The following TMEM229B variants were observed in gnomAD, a reference collection of about 807,000 sequenced individuals.
TMEM229B encodes the protein transmembrane protein 229B.
Under a neutral mutation model 13.7 loss-of-function variants are expected in TMEM229B, and 6 were observed. The ratio of observed to expected loss-of-function variants is 0.44; its 90% CI spans 0.24 to 0.86. TMEM229B has a LOEUF of 0.86. TMEM229B is among the 40% of genes least tolerant of loss of function. The pLI is 0.23. For synonymous variants in TMEM229B, 107 were observed against 102.1 expected, an observed-to-expected ratio of 1.05 and a Z score of -0.29; for missense variants, 170 against 236.0, an observed-to-expected ratio of 0.72 and a Z score of 1.83.
chr14:67,477,353 GC>G (rs2031282973), intron 2 of TMEM229B, among the ~76,000 whole-genome samples: 1 of 152,082 alleles, frequency 6.6e-6, no homozygotes, highest in Admixed American at 6.5e-5. Flanking sequence ...TGTTAGGCGT[GC>G]CTTTCTCCTC....
chr14:67,488,333 T>C (rs1837196406), intron 1 of TMEM229B, among the ~76,000 whole-genome samples, 175 bp downstream of exon 1: 1 of 151,980 alleles, frequency 6.6e-6, no homozygotes, highest in South Asian at 2.1e-4. Flanking sequence ...AGGGCAGGAG[T>C]GGGGGAACTG....
chr14:67,533,605 C>G (rs2033560299), intron 1 of TMEM229B: 1 of 152,084 alleles, frequency 6.6e-6, no homozygotes, highest in African/African-American at 2.4e-5. Context: ...ACTCGCGCCG[C>G]GAGGCCAGGA....
chr14:67,496,478 A>ACTG lies in TMEM229B; in HGVS notation c.-191-9309_-191-9307dup, dbSNP rs550237500. Among the ~76,000 whole-genome samples the ACTG allele has an allele frequency of 2.0e-4, 26 of 129,560 alleles. 1 individual carries two copies. In the South Asian group the frequency reaches 3.2e-3, roughly 16 times the overall value. 85.0% of individuals were successfully genotyped at this position (129,560 alleles called of 152,430 possible). On this transcript the variant is annotated intron_variant, in intron 1 of 2. Transcript: ENST00000357461. ...GAGTGCAGAGGCACGATCTCTGCTC[A>ACTG]CTGCAGCCTCTGCTACCCAGGTTCA...
Position 67,473,862 on chromosome 14 carries a change from T to C in TMEM229B, c.62A>G (p.Tyr21Cys), listed in dbSNP as rs770438193. 9.9e-6 allele frequency: 16 copies of C among 1,612,396 alleles called. No individual in the cohort carries two copies. Among genetic ancestry groups the C allele is most frequent in the South Asian group, 2.2e-5 (2 of 90,560 alleles). The change falls in exon 3 of 3, where the codon TAC becomes TGC. Residue 21 changes from tyrosine to cysteine, a missense_variant. Coordinates refer to ENST00000554480, the MANE Select transcript of TMEM229B (RefSeq NM_001348543.2). The surrounding 1 kb of genome is among the most constrained non-coding windows in gnomAD (Gnocchi z 6.5). ...CGCTGTGAACATCACCTCGCAGAAG[T>C]AGCCGTGGATGGCATACAGGTACCA... ...SRWYLYAIHG[Y>C]FCEVMFTAAW...
chr14:67,522,154 C>T (rs891691234), intron 1 of TMEM229B, among the ~76,000 whole-genome samples: 19 of 152,004 alleles, frequency 1.2e-4, no homozygotes, highest in Admixed American at 9.2e-4. Flanking sequence ...GCCTGGGTGA[C>T]GGAGTGAGAC....
At chr14:67,474,780 T>A (rs576755791) in intron 2 of TMEM229B, among the ~76,000 whole-genome samples, 1 of 152,206 alleles carries the variant, frequency 6.6e-6, no homozygotes, top group Non-Finnish European at 1.5e-5. Flanking sequence ...ATTTGACTAC[T>A]CTGGGTGCCT....
upstream of TMEM229B, among the ~76,000 whole-genome samples, chr14:67,518,341 T>G (rs1193936907): frequency 3.3e-5 from 5 of 152,244 alleles, no homozygotes; most frequent in African/African-American, 1.2e-4. Context: ...TCAGCCTATT[T>G]TTCTCATCTG....
intron 1 of TMEM229B, among the ~76,000 whole-genome samples, chr14:67,510,176 T>A (rs952607002): frequency 1.3e-5 from 2 of 152,198 alleles, no homozygotes; most frequent in Non-Finnish European, 2.9e-5. Flanking sequence ...CTCATTGATA[T>A]GAGAAAAGAA....
intron 1 of TMEM229B, among the ~76,000 whole-genome samples, chr14:67,506,362 AT>A (rs2140220060): frequency 6.6e-6 from 1 of 152,336 alleles, no homozygotes; most frequent in East Asian, 1.9e-4. Context: ...ATCCCACTGG[AT>A]AAACATAAAG....
At chr14:67,491,822 T>C (rs1410006656), upstream of TMEM229B, among the ~76,000 whole-genome samples, 2 of 152,174 alleles carry the variant, frequency 1.3e-5, no homozygotes, top group Admixed American at 6.5e-5. Context: ...AAGCAATCAG[T>C]ATTCCAGATT....
chr14:67,488,242 A>G (rs996013354), intron 1 of TMEM229B, among the ~76,000 whole-genome samples: 4 of 152,210 alleles, frequency 2.6e-5, no homozygotes, highest in African/African-American at 9.6e-5. Flanking sequence ...TCTGACCACC[A>G]GGGTCTCTGA....
chr14:67,515,322 A>C (rs1042318705), exon 1 of TMEM229B: 3 of 154,814 alleles, frequency 1.9e-5, no homozygotes, highest in Admixed American at 6.6e-5. Flanking sequence ...CGCCGCGCCT[A>C]GTCCCGCATT....
chr14:67,482,380 C>T (rs1157904576), intron 2 of TMEM229B, among the ~76,000 whole-genome samples: 1 of 152,236 alleles, frequency 6.6e-6, no homozygotes, highest in Non-Finnish European at 1.5e-5. Context: ...TTTCAGGGGG[C>T]TAAGGTGCCA....
upstream of TMEM229B, among the ~76,000 whole-genome samples, chr14:67,517,339 G>A (rs191871992): frequency 6.6e-6 from 1 of 152,228 alleles, no homozygotes; most frequent in Non-Finnish European, 1.5e-5. Flanking sequence ...GGCTGGAAAG[G>A]CTTCGGAAGA....
chr14:67,500,252 G>A (rs1339048029), intron 1 of TMEM229B, among the ~76,000 whole-genome samples: 1 of 152,060 alleles, frequency 6.6e-6, no homozygotes, highest in Non-Finnish European at 1.5e-5. Context: ...GAGGTGGGTG[G>A]ATCACGAGAT....
intron 2 of TMEM229B, among the ~76,000 whole-genome samples, chr14:67,486,587 A>C (rs1462064421): frequency 6.6e-6 from 1 of 152,156 alleles, no homozygotes; most frequent in Non-Finnish European, 1.5e-5. Flanking sequence ...TGATGGTTTT[A>C]TAAGGGAGAG....
intron 1 of TMEM229B, among the ~76,000 whole-genome samples, chr14:67,506,422 G>A (rs2032828163): frequency 6.6e-6 from 1 of 152,154 alleles, no homozygotes. Context: ...ATTCCAATGA[G>A]TCATGTTTCT....
At chr14:67,533,435 GGGCTGCGCCGCGGCGGAGGGCGTCA>G (rs2033542654) in intron 1 of TMEM229B, 1 of 152,010 alleles carries the variant, frequency 6.6e-6, no homozygotes, top group Non-Finnish European at 1.5e-5. Flanking sequence ...TGGTGGGCTG[GGGCTGCGCCGCGGCGGAGGGCGTCA>G]GGCTGCGCGC....
chr14:67,500,862 C>T (rs536045351), intron 1 of TMEM229B, among the ~76,000 whole-genome samples: 3 of 151,900 alleles, frequency 2.0e-5, no homozygotes, highest in Non-Finnish European at 2.9e-5. Context: ...TGAGCCACCG[C>T]GCCTGGCCTG....
Sources: gnomAD v4.1 joint callset for allele counts (sites outside exome capture counted in the v4.1 genomes callset) on GRCh38, gnomAD v4.1.1 for gene constraint, Gnocchi (gnomAD v3.1) non-coding constraint, MANE v1.5 for transcripts, NCBI Gene and HGNC (gene_info 2026-07-23, HGNC 2026-07-21) for gene names.